The following RGS17 variants were observed in gnomAD, a reference collection of about 807,000 sequenced individuals.
The protein encoded by RGS17 is regulator of G-protein signaling 17.
A neutral mutation model predicts 25.5 loss-of-function variants in RGS17; 12 were observed. The observed-to-expected ratio is 0.47, with a 90% CI of 0.30 to 0.76. The LOEUF is 0.76. RGS17 is among the 30% of genes least tolerant of loss of function. The pLI is 0.07. For missense variants in RGS17, 196 were observed against 242.2 expected (o/e 0.81, Z 1.27); for synonymous variants, 71 against 76.9 (o/e 0.92, Z 0.40).
At chr6:153,017,410 G>C (rs2129105951) in intron 4 of RGS17, among the ~76,000 whole-genome samples, 1 of 152,206 alleles carries the variant, frequency 6.6e-6, no homozygotes, top group Admixed American at 6.5e-5. Context: ...GTAAAGCGAG[G>C]AGAATGAAGA....
chr6:153,043,191 A>G (rs534085068), intron 2 of RGS17, among the ~76,000 whole-genome samples: 2 of 152,298 alleles, frequency 1.3e-5, no homozygotes, highest in East Asian at 3.9e-4. Flanking sequence ...CATTTTGCCA[A>G]TGAGGAAATC....
In RGS17 at chr6:153,014,839, C is replaced by T. The variant is rs541868372; in HGVS notation, c.445-3077G>A. 1.9e-4 allele frequency among the ~76,000 whole-genome samples: 29 copies of T among 152,048 alleles called. No individual in the cohort carries two copies. The South Asian group carries it at 5.6e-3, about 29-fold the overall frequency. ...GAAACCCATTTCATAAAGCTATCGC[C>T]GCCATAGTGATTCCTCTGATAGATC... On this transcript the variant is annotated intron_variant, in intron 4 of 4. Transcript: ENST00000206262.
At position 153,011,596 on chromosome 6, in the gene RGS17, G is replaced by A; in HGVS notation, c.611C>T (p.Ala204Val). The A allele has an allele frequency of 1.9e-6, 3 of 1,608,390 alleles. No homozygotes were observed. The highest frequency in any genetic ancestry group is 2.6e-6 in the Non-Finnish European group (3 of 1,176,426). The change falls in exon 5 of 5, where the codon GCT (alanine) becomes GTT (valine). Residue 204 changes from alanine (A) to valine (V), a missense_variant. Around this residue, in one of 2 missense-constraint regions of RGS17, gnomAD observed 179 missense variants for 197.6 expected, o/e 0.91. Coordinates refer to ENST00000206262, the MANE Select transcript of RGS17 (RefSeq NM_012419.5). ...ACATTAAGATTCAGAAGAAGAGCCA[G>A]CAGTACTTTCAACAAATGACTTATA... ...QIYKSFVEST[A>V]GSSSES
chr6:153,113,966 C>T (rs762626818), intron 1 of RGS17, among the ~76,000 whole-genome samples: 2 of 152,164 alleles, frequency 1.3e-5, no homozygotes, highest in South Asian at 2.1e-4. Flanking sequence ...AAAATGCCCA[C>T]AGGAGAAAGC....
chr6:153,032,576 A>G (rs1331759085), intron 2 of RGS17, among the ~76,000 whole-genome samples: 3 of 17,244 alleles, frequency 1.7e-4, no homozygotes, highest in Non-Finnish European at 2.7e-4. Flanking sequence ...CCTTATTTGA[A>G]AAAAAAAAAA....
chr6:153,119,159 A>G (rs1777586607), intron 1 of RGS17, among the ~76,000 whole-genome samples: 1 of 152,074 alleles, frequency 6.6e-6, no homozygotes, highest in Admixed American at 6.6e-5. Flanking sequence ...CCTGTATGTA[A>G]AAGACTTTCA....
At position 153,043,894 on chromosome 6, in the gene RGS17, A is replaced by AG. The variant is rs1309470362; in HGVS notation, c.119+5_119+6insC. The stretch of plus-strand genomic sequence containing the variant: ...GGTGTGGCATCCTACAGGTAACATG[A>AG]CATACCAGGAGCAGCTGCAACAACA... On this transcript the variant is annotated splice_donor_region_variant and intron_variant, in intron 2 of 4. Coordinates refer to ENST00000206262, the MANE Select transcript of RGS17 (RefSeq NM_012419.5). 2.5e-6 allele frequency: 4 copies of AG among 1,588,222 alleles called. No individual in the cohort carries two copies. The Admixed American group carries it at 6.8e-5, about 27-fold the overall frequency.
intron 2 of RGS17, among the ~76,000 whole-genome samples, chr6:153,037,360 A>G (rs2129109111): frequency 6.6e-6 from 1 of 152,146 alleles, no homozygotes; most frequent in Non-Finnish European, 1.5e-5. Flanking sequence ...CAAATCCATC[A>G]CCCATTCAAC....
At chr6:153,107,055 G>A (rs917773526) in intron 1 of RGS17, among the ~76,000 whole-genome samples, 6 of 152,026 alleles carry the variant, frequency 3.9e-5, no homozygotes, top group South Asian at 2.1e-4. Flanking sequence ...TTCATAAGCC[G>A]GGCATGGTGG....
chr6:153,020,646 A>G (rs550648029), intron 4 of RGS17, among the ~76,000 whole-genome samples: 43 of 152,330 alleles, frequency 2.8e-4, no homozygotes, highest in African/African-American at 9.1e-4. Flanking sequence ...ATACGCAATC[A>G]AATTAAGGTA....
intron 1 of RGS17, among the ~76,000 whole-genome samples, chr6:153,128,912 G>T (rs1350633665): frequency 6.6e-6 from 1 of 152,098 alleles, no homozygotes; most frequent in East Asian, 1.9e-4. Flanking sequence ...CTTCCGTGGG[G>T]ACTAAACGCC....
intron 4 of RGS17, among the ~76,000 whole-genome samples, chr6:153,016,401 A>G (rs1185572166): frequency 6.6e-6 from 1 of 152,154 alleles, no homozygotes; most frequent in East Asian, 1.9e-4. Flanking sequence ...ACTTGAGAAA[A>G]CTTTTTGTTT....
chr6:153,105,965 A>G (rs968626509), intron 1 of RGS17, among the ~76,000 whole-genome samples: 16 of 152,162 alleles, frequency 1.1e-4, no homozygotes, highest in Non-Finnish European at 2.2e-4. Flanking sequence ...GCGAAATGGC[A>G]ATGGAGGCAG....
At position 153,041,870 on chromosome 6, in the gene RGS17, G is replaced by T. The variant is rs192381337; in HGVS notation, c.119+2030C>A. On this transcript the variant is annotated intron_variant, in intron 2 of 4. Transcript: ENST00000206262. ...TAAAGTGATCTTTATTTTCCAATAT[G>T]AAGTGTTCCATAGCCCAGAGAGCTA... 9.2e-5 allele frequency among the ~76,000 whole-genome samples: 14 copies of T among 152,256 alleles called. No homozygotes were observed. The East Asian group carries it at 2.5e-3, about 27-fold the overall frequency.
At chr6:153,088,356 A>G (rs1777080533) in intron 1 of RGS17, among the ~76,000 whole-genome samples, 1 of 152,196 alleles carries the variant, frequency 6.6e-6, no homozygotes, top group Non-Finnish European at 1.5e-5. Context: ...ACAGTAAATA[A>G]CTAATACAGA....
At chr6:153,107,326 T>C (rs1158502250) in intron 1 of RGS17, among the ~76,000 whole-genome samples, 1 of 151,988 alleles carries the variant, frequency 6.6e-6, no homozygotes, top group Non-Finnish European at 1.5e-5. Context: ...ACAGTGAAAA[T>C]TTTGTCTCAA....
At chr6:153,017,233 T>C (rs2129105928) in intron 4 of RGS17, among the ~76,000 whole-genome samples, 1 of 152,064 alleles carries the variant, frequency 6.6e-6, no homozygotes, top group African/African-American at 2.4e-5. Context: ...CCGGCAATGT[T>C]GAGACATAGC....
At chr6:153,034,139 C>T (rs1388170957) in intron 2 of RGS17, among the ~76,000 whole-genome samples, 1 of 152,196 alleles carries the variant, frequency 6.6e-6, no homozygotes, top group Admixed American at 6.5e-5. Context: ...TCTACCCATT[C>T]ATCCTTTCCC....
At position 153,008,342 on chromosome 6, in the gene RGS17, C is replaced by A. The variant is rs77083978; in HGVS notation, c.*3232G>T. 1.1e-3 allele frequency: 162 copies of A among 148,110 alleles called. No individual in the cohort carries two copies. The highest frequency in any genetic ancestry group is 3.5e-3 in the African/African-American group (139 of 40,078). 9.2% of individuals were successfully genotyped at this position (148,110 alleles called of 1,614,324 possible). A position where few individuals can be genotyped will look rare whatever the true frequency, so the allele number is the denominator to read the frequency against. On this transcript the variant is annotated 3_prime_UTR_variant, in exon 5 of 5. Coordinates refer to ENST00000206262, the MANE Select transcript of RGS17 (RefSeq NM_012419.5). ...ATTTTAAGATTTCAAAAAAAAAAAACATCACATTATGGTCTTGACTTCTGC... is the reference window on the plus strand; with the variant it reads ...ATTTTAAGATTTCAAAAAAAAAAAAAATCACATTATGGTCTTGACTTCTGC...
Sources: gnomAD v4.1 joint callset for allele counts (sites outside exome capture counted in the v4.1 genomes callset) on GRCh38, gnomAD v4.1.1 for gene constraint, gnomAD v4.1.1 regional missense constraint, MANE v1.5 for transcripts, NCBI Gene and HGNC (gene_info 2026-07-23, HGNC 2026-07-21) for gene names.